Variants in SUSD4 observed in about 807,000 individuals in gnomAD.
The protein encoded by SUSD4 is sushi domain-containing protein 4.
In SUSD4, 41 loss-of-function variants were observed where a neutral mutation model predicts 50.5. The ratio of observed to expected loss-of-function variants is 0.81; its 90% CI spans 0.63 to 1.05. SUSD4 has a LOEUF of 1.05. SUSD4 is among the 50% of genes least tolerant of loss of function. The probability of loss-of-function intolerance (pLI) is 0.00; values close to 1 mark genes in which losing one functional copy is unlikely to be tolerated. For missense variants in SUSD4, 580 were observed against 634.7 expected (o/e 0.91, Z 0.93); for synonymous variants, 257 against 257.3 (o/e 1.00, Z 0.01).
At chr1:223,360,222 G>C (rs1193831719) in intron 2 of SUSD4, 1 of 470,680 alleles carries the variant, frequency 2.1e-6, no homozygotes, top group Non-Finnish European at 4.4e-6. Flanking sequence ...GTCACTTGTT[G>C]AGCAAACTCT....
intron 3 of SUSD4, among the ~76,000 whole-genome samples, chr1:223,275,644 GAT>G (rs1299312266): frequency 6.6e-6 from 1 of 152,146 alleles, no homozygotes; most frequent in African/African-American, 2.4e-5. Context: ...GGTAAATTCC[GAT>G]TCTTTGTTGC....
upstream of SUSD4, among the ~76,000 whole-genome samples, chr1:223,364,423 C>T (rs1669200347): frequency 3.4e-5 from 5 of 148,116 alleles, no homozygotes; most frequent in Admixed American, 3.3e-4. This position sits in a 1 kb window ranked among gnomAD's most constrained non-coding sequence, Gnocchi z 4.5. Flanking sequence ...CGCGCCTCTG[C>T]CAACCCAGCC....
At chr1:223,262,306 G>A (rs1180240393) in intron 5 of SUSD4, among the ~76,000 whole-genome samples, 1 of 152,154 alleles carries the variant, frequency 6.6e-6, no homozygotes, top group Non-Finnish European at 1.5e-5. Context: ...AAGCCCCTTA[G>A]AGCATCATAA....
chr1:223,226,418 T>C (rs1659519220), intron 7 of SUSD4, among the ~76,000 whole-genome samples: 1 of 152,190 alleles, frequency 6.6e-6, no homozygotes, highest in African/African-American at 2.4e-5. Context: ...GGGATGCACC[T>C]ATCAGGTTGT....
At chr1:223,346,050 T>C (rs1471638603) in intron 2 of SUSD4, among the ~76,000 whole-genome samples, 1 of 152,200 alleles carries the variant, frequency 6.6e-6, no homozygotes, top group Non-Finnish European at 1.5e-5. Context: ...CTACGGACAC[T>C]TGAGGCTGAT....
At chr1:223,282,893 T>G (rs1026058777) in intron 3 of SUSD4, among the ~76,000 whole-genome samples, 20 of 152,046 alleles carry the variant, frequency 1.3e-4, no homozygotes, top group Non-Finnish European at 2.6e-4. Flanking sequence ...AAAACAGAGA[T>G]ATAGACCAAT....
chr1:223,306,998 G>A (rs1159384499), intron 2 of SUSD4, among the ~76,000 whole-genome samples: 1 of 150,466 alleles, frequency 6.6e-6, no homozygotes, highest in Non-Finnish European at 1.5e-5. Context: ...AAATTCTACA[G>A]TTTATAGTCT....
chr1:223,320,466 G>T lies in SUSD4; in HGVS notation c.149-27815C>A, dbSNP rs1666507886. ...TCTCCTTCCACACAGGCATACCCTG[G>T]GTGGTTGTGTCCCTCCGCTTCTCGG... On this transcript the variant is annotated intron_variant, in intron 2 of 8. Coordinates refer to ENST00000366878, the MANE Select transcript of SUSD4 (RefSeq NM_017982.4). Among the ~76,000 whole-genome samples the T allele has an allele frequency of 2.6e-5, 4 of 152,080 alleles. No homozygotes were observed. The South Asian group carries it at 8.3e-4, about 32-fold the overall frequency.
chr1:223,251,970 C>CA (rs1661341300), intron 5 of SUSD4, among the ~76,000 whole-genome samples: 3 of 147,934 alleles, frequency 2.0e-5, no homozygotes, highest in African/African-American at 5.0e-5. Flanking sequence ...ATTGCAAGGA[C>CA]AAAAAACCAA....
intron 2 of SUSD4, among the ~76,000 whole-genome samples, chr1:223,306,553 A>G (rs1318369267): frequency 1.3e-5 from 2 of 152,186 alleles, no homozygotes; most frequent in East Asian, 3.8e-4. Context: ...GTGCAGTGGC[A>G]CAATCTCAGC....
chr1:223,306,796 A>G (rs962016969), intron 2 of SUSD4, among the ~76,000 whole-genome samples: 2 of 151,324 alleles, frequency 1.3e-5, no homozygotes, highest in African/African-American at 4.9e-5. Flanking sequence ...TAATTTTTTA[A>G]CTGATTAATA....
At chr1:223,325,143 G>A (rs1355778656) in intron 2 of SUSD4, among the ~76,000 whole-genome samples, 2 of 152,168 alleles carry the variant, frequency 1.3e-5, no homozygotes, top group African/African-American at 4.8e-5. Context: ...CTTGGCATCA[G>A]TATCCCTTCT....
At chr1:223,228,992 C>T (rs1192331617) in intron 6 of SUSD4, among the ~76,000 whole-genome samples, 1 of 151,956 alleles carries the variant, frequency 6.6e-6, no homozygotes, top group African/African-American at 2.4e-5. Context: ...ACAGTTAATA[C>T]TCTTGACTGT....
chr1:223,305,068 CCTT>C (rs1458213758), intron 2 of SUSD4, among the ~76,000 whole-genome samples: 1 of 151,680 alleles, frequency 6.6e-6, no homozygotes, highest in African/African-American at 2.4e-5. Flanking sequence ...TAAATAGAGT[CCTT>C]CTCTTGGCCA....
At chr1:223,236,059 T>C (rs1051348953) in intron 5 of SUSD4, among the ~76,000 whole-genome samples, 5 of 152,212 alleles carry the variant, frequency 3.3e-5, no homozygotes, top group African/African-American at 7.2e-5. Context: ...GTCATTTTAA[T>C]AGGTAAGTAG....
At chr1:223,324,728 A>G (rs1383048039) in intron 2 of SUSD4, among the ~76,000 whole-genome samples, 3 of 151,138 alleles carry the variant, frequency 2.0e-5, no homozygotes, top group African/African-American at 7.3e-5. Flanking sequence ...CTTCCTTTAG[A>G]TGGACGAGAT....
intron 3 of SUSD4, among the ~76,000 whole-genome samples, chr1:223,269,281 G>A (rs1413185183): frequency 1.3e-5 from 2 of 152,236 alleles, no homozygotes; most frequent in African/African-American, 2.4e-5. Flanking sequence ...AAGGCTCAGA[G>A]CAAGCCACTG....
At chr1:223,315,496 C>T (rs1666131783) in intron 2 of SUSD4, among the ~76,000 whole-genome samples, 2 of 152,298 alleles carry the variant, frequency 1.3e-5, no homozygotes, top group South Asian at 2.1e-4. Context: ...GTCCTGTGGC[C>T]CCACCCACAA....
intron 2 of SUSD4, among the ~76,000 whole-genome samples, chr1:223,342,028 C>G (rs1014416702): frequency 6.6e-6 from 1 of 152,122 alleles, no homozygotes; most frequent in Non-Finnish European, 1.5e-5. Context: ...CCAGCCCAGA[C>G]GAGTCTCCAA....
Sources: allele counts gnomAD v4.1 joint callset (sites outside exome capture counted in the v4.1 genomes callset), GRCh38; gene constraint gnomAD v4.1.1; non-coding constraint Gnocchi (gnomAD v3.1); transcripts MANE v1.5; gene names NCBI Gene and HGNC (gene_info 2026-07-23, HGNC 2026-07-21).